CDH8: variants seen among roughly 807,000 people sequenced by gnomAD.
The protein encoded by CDH8 is cadherin-8.
CDH8 carries 17 observed loss-of-function variants against 68.1 expected under a neutral mutation model. The ratio of observed to expected loss-of-function variants is 0.25; its 90% CI spans 0.17 to 0.37. The LOEUF is 0.37. Among genes scored for constraint, CDH8 ranks in the 10% least tolerant of loss-of-function variants. CDH8 has a pLI of 1.00. For missense variants in CDH8, 763 were observed against 999.3 expected (o/e 0.76, Z 3.19); for synonymous variants, 372 against 365.1 (o/e 1.02, Z -0.21).
At chr16:61,729,721 C>T (rs796470157) in intron 8 of CDH8, among the ~76,000 whole-genome samples, 4 of 151,390 alleles carry the variant, frequency 2.6e-5, no homozygotes, top group African/African-American at 9.7e-5. Context: ...ACTTTAATCT[C>T]GCTAAATATT....
intron 2 of CDH8, among the ~76,000 whole-genome samples, chr16:61,976,879 A>G (rs1055024873): frequency 6.6e-6 from 1 of 152,198 alleles, no homozygotes; most frequent in Non-Finnish European, 1.5e-5. Flanking sequence ...TGGGGAATTC[A>G]TCAGCAAACA....
chr16:61,779,455 G>A (rs967765652), intron 8 of CDH8, among the ~76,000 whole-genome samples: 17 of 149,644 alleles, frequency 1.1e-4, no homozygotes, highest in Non-Finnish European at 2.2e-4. Context: ...GTGTGTGTGT[G>A]TGTGTGTGTG....
chr16:61,766,546 T>C (rs1298957375), intron 8 of CDH8, among the ~76,000 whole-genome samples: 1 of 151,954 alleles, frequency 6.6e-6, no homozygotes, highest in Non-Finnish European at 1.5e-5. Context: ...CTACTTTAAT[T>C]CTTTGAGAAA....
At chr16:61,960,027 C>T (rs368048721) in intron 2 of CDH8, among the ~76,000 whole-genome samples, 939 of 91,434 alleles carry the variant, frequency 0.01, 94 homozygotes, top group African/African-American at 0.023. Flanking sequence ...CACACATACA[C>T]ACACACACAC....
intron 8 of CDH8, among the ~76,000 whole-genome samples, chr16:61,753,233 T>A (rs187017041): frequency 8.6e-4 from 107 of 124,060 alleles, no homozygotes; most frequent in Admixed American, 2.7e-3. Context: ...CGCTTGATAT[T>A]TCTTTCTTTT....
At chr16:61,772,621 T>A (rs1331106815) in intron 8 of CDH8, among the ~76,000 whole-genome samples, 1 of 152,082 alleles carries the variant, frequency 6.6e-6, no homozygotes, top group African/African-American at 2.4e-5. Context: ...AGAATTTGCT[T>A]TTCTTGTTTT....
intron 2 of CDH8, among the ~76,000 whole-genome samples, chr16:61,970,786 T>C (rs1481606646): frequency 6.6e-6 from 1 of 152,206 alleles, no homozygotes; most frequent in Non-Finnish European, 1.5e-5. Flanking sequence ...GACTGGCCCC[T>C]GTCAGGCCTC....
At chr16:61,769,450 C>T (rs912902638) in intron 8 of CDH8, among the ~76,000 whole-genome samples, 1 of 151,682 alleles carries the variant, frequency 6.6e-6, no homozygotes, top group Non-Finnish European at 1.5e-5. Context: ...TTCCCAATAT[C>T]GTGGTCAGTT....
intron 7 of CDH8, among the ~76,000 whole-genome samples, chr16:61,804,410 T>C (rs1442595590): frequency 6.6e-6 from 1 of 151,536 alleles, no homozygotes; most frequent in Non-Finnish European, 1.5e-5. Context: ...TTAAACGAAC[T>C]AGAAAAGCAA....
At chr16:61,943,179 T>A (rs1022325111) in intron 2 of CDH8, among the ~76,000 whole-genome samples, 3 of 152,224 alleles carry the variant, frequency 2.0e-5, no homozygotes, top group Non-Finnish European at 4.4e-5. Flanking sequence ...TTTCATCTTC[T>A]GTATTTCCTT....
intron 1 of CDH8, among the ~76,000 whole-genome samples, chr16:62,027,318 A>G (rs1403173145): frequency 6.6e-6 from 1 of 152,222 alleles, no homozygotes; most frequent in Non-Finnish European, 1.5e-5. Context: ...GAACTCAGTC[A>G]AGTCACGGAT....
chr16:61,982,524 A>C (rs72800826), intron 2 of CDH8, among the ~76,000 whole-genome samples: 4,829 of 152,308 alleles, frequency 0.032, 99 homozygotes, highest in Non-Finnish European at 0.046. Flanking sequence ...CGGCTAGGCA[A>C]GTTATTTTAA....
intron 2 of CDH8, among the ~76,000 whole-genome samples, chr16:61,965,227 C>T (rs972497278): frequency 2.0e-5 from 3 of 152,246 alleles, no homozygotes; most frequent in Admixed American, 6.5e-5. Flanking sequence ...CATAGACTTC[C>T]CCTACTCATT....
Position 62,026,133 on chromosome 16 carries a change from C to A in CDH8, c.-199-4531G>T, listed in dbSNP as rs533665256. ...TTTTCTGATTTTCCTGGTATAAATACTTCCACCATGACCAATTTTAAGCTT... is the reference window on the plus strand; with the variant it reads ...TTTTCTGATTTTCCTGGTATAAATAATTCCACCATGACCAATTTTAAGCTT... On this transcript the variant is annotated intron_variant, in intron 1 of 11. Transcript: ENST00000577390. Among the ~76,000 whole-genome samples the A allele has an allele frequency of 3.9e-5, 6 of 152,268 alleles. No individual in the cohort carries two copies. In the South Asian group the frequency reaches 8.3e-4, roughly 21 times the overall value.
Position 61,848,101 on chromosome 16 carries a change from A to G in CDH8, c.667+9018T>C, listed in dbSNP as rs534065536. On this transcript the variant is annotated intron_variant, in intron 4 of 11. Coordinates refer to ENST00000577390, the MANE Select transcript of CDH8 (RefSeq NM_001796.5). The stretch of plus-strand genomic sequence containing the variant: ...CAGAGCTAGATTTCCAAGGTCAAAA[A>G]TGACATCACTATAGGAACCAAATAT... 5.9e-5 allele frequency among the ~76,000 whole-genome samples: 9 copies of G among 152,228 alleles called. No homozygotes were observed. The South Asian group carries it at 1.7e-3, about 28-fold the overall frequency.
At chr16:61,999,033 C>T (rs1965851396) in intron 2 of CDH8, among the ~76,000 whole-genome samples, 1 of 152,098 alleles carries the variant, frequency 6.6e-6, no homozygotes, top group South Asian at 2.1e-4. Context: ...ATAACTAATA[C>T]ACAGCTTTAG....
At chr16:61,842,818 C>T (rs933565081) in intron 4 of CDH8, among the ~76,000 whole-genome samples, 2 of 152,090 alleles carry the variant, frequency 1.3e-5, no homozygotes, top group African/African-American at 4.8e-5. Flanking sequence ...GATCAAATTA[C>T]TGTTGTGCTT....
At chr16:61,697,556 C>T (rs192610788) in intron 10 of CDH8, among the ~76,000 whole-genome samples, 39 of 151,696 alleles carry the variant, frequency 2.6e-4, no homozygotes, top group Admixed American at 1.8e-3. Flanking sequence ...TACAGTGGTG[C>T]CATCTCGGCT....
intron 4 of CDH8, among the ~76,000 whole-genome samples, chr16:61,826,727 G>C (rs1205484717): frequency 6.6e-6 from 1 of 151,518 alleles, no homozygotes; most frequent in African/African-American, 2.4e-5. Context: ...CTTTTGAGTA[G>C]CAAGTGAGTC....
Sources: allele counts gnomAD v4.1 joint callset (sites outside exome capture counted in the v4.1 genomes callset), GRCh38; gene constraint gnomAD v4.1.1; transcripts MANE v1.5; gene names NCBI Gene and HGNC (gene_info 2026-07-23, HGNC 2026-07-21).